ZNF618: variants seen among roughly 807,000 people sequenced by gnomAD.
ZNF618 encodes zinc finger protein 618.
A neutral mutation model predicts 103.0 loss-of-function variants in ZNF618; 34 were observed. The observed-to-expected ratio is 0.33, with a 90% confidence interval of 0.25 to 0.44. ZNF618 has a LOEUF of 0.44. ZNF618 is among the 20% of genes least tolerant of loss of function. The probability of loss-of-function intolerance (pLI) is 1.00; values close to 1 mark genes in which losing one functional copy is unlikely to be tolerated. For synonymous variants in ZNF618, 551 were observed against 542.2 expected (o/e 1.02, Z -0.23); for missense variants, 1,059 against 1,295.4 (o/e 0.82, Z 2.80).
intron 2 of ZNF618, among the ~76,000 whole-genome samples, chr9:113,973,606 T>C (rs1588200634): frequency 6.6e-6 from 1 of 152,196 alleles, no homozygotes; most frequent in African/African-American, 2.4e-5. Context: ...GTCGATCTGG[T>C]GTGCAGGTTA....
intron 3 of ZNF618, among the ~76,000 whole-genome samples, chr9:113,990,232 G>T (rs1839908574): frequency 6.6e-6 from 1 of 152,144 alleles, no homozygotes. Context: ...TTTCTACCCT[G>T]CTCCTCAGTT....
At chr9:113,955,729 C>T (rs944679817) in intron 1 of ZNF618, among the ~76,000 whole-genome samples, 4 of 151,726 alleles carry the variant, frequency 2.6e-5, no homozygotes, top group African/African-American at 9.7e-5. Flanking sequence ...AATTATTTCT[C>T]TTTCACAGCA....
At chr9:113,935,757 C>G (rs920438809) in intron 1 of ZNF618, among the ~76,000 whole-genome samples, 3 of 152,112 alleles carry the variant, frequency 2.0e-5, no homozygotes, top group African/African-American at 7.2e-5. Flanking sequence ...TGAAGTCTCT[C>G]CCTGCACCCT....
chr9:113,908,967 A>G (rs1391234278), intron 1 of ZNF618, among the ~76,000 whole-genome samples: 1 of 151,568 alleles, frequency 6.6e-6, no homozygotes, highest in African/African-American at 2.4e-5. Flanking sequence ...TTAGTCTCCT[A>G]TGGGGCTTCA....
At chr9:113,914,258 C>T (rs562676968) in intron 1 of ZNF618, among the ~76,000 whole-genome samples, 5 of 152,282 alleles carry the variant, frequency 3.3e-5, no homozygotes, top group South Asian at 2.1e-4. Flanking sequence ...TCTTCTAAGT[C>T]GGGTTTCCTT....
At chr9:113,971,910 G>A (rs147554167) in intron 2 of ZNF618, among the ~76,000 whole-genome samples, 1,829 of 152,282 alleles carry the variant, frequency 0.012, 23 homozygotes, top group Middle Eastern at 0.027. Flanking sequence ...GCCGGAATAT[G>A]CATCAGGAAG....
intron 1 of ZNF618, among the ~76,000 whole-genome samples, chr9:113,940,768 G>C (rs10448276): frequency 0.63 from 95,040 of 152,006 alleles, 29,890 homozygotes; most frequent in Admixed American, 0.7. Flanking sequence ...TCCAGCTTTC[G>C]TCATTGATAA....
intron 1 of ZNF618, among the ~76,000 whole-genome samples, chr9:113,954,907 A>AGTGGGCAGC (rs1836120103): frequency 6.6e-6 from 1 of 151,556 alleles, no homozygotes. Flanking sequence ...TCTATGGTCC[A>AGTGGGCAGC]CTCCCAGTGG....
intron 1 of ZNF618, among the ~76,000 whole-genome samples, chr9:113,911,866 T>G (rs1176141647): frequency 6.6e-6 from 1 of 152,200 alleles, no homozygotes; most frequent in East Asian, 1.9e-4. Flanking sequence ...AAAGAATATC[T>G]TGTAAGTGAA....
rs79027640 is a variant in ZNF618 at position 113,945,123 on chromosome 9, G to C, written c.34-23994G>C. Among the ~76,000 whole-genome samples the C allele has an allele frequency of 3.3e-5, 5 of 152,168 alleles. No homozygotes were observed. In the East Asian group the frequency reaches 9.7e-4, roughly 29 times the overall value. ...TCCCTACCTCACTCTGTCCTGCCAG[G>C]CTGGCCTTCTGTTCCTTCCTCCCAC... On this transcript the variant is annotated intron_variant, in intron 1 of 14. Coordinates refer to ENST00000374126, the MANE Select transcript of ZNF618 (RefSeq NM_001318042.2).
intron 1 of ZNF618, among the ~76,000 whole-genome samples, chr9:113,943,027 G>A (rs547622529): frequency 6.6e-6 from 1 of 152,174 alleles, no homozygotes; most frequent in Non-Finnish European, 1.5e-5. Flanking sequence ...ATTGTCCCAG[G>A]TGCATCTGGA....
intron 1 of ZNF618, among the ~76,000 whole-genome samples, chr9:113,883,982 G>GCCCCGCCCC (rs1828781218): frequency 6.7e-5 from 2 of 29,706 alleles, no homozygotes; most frequent in African/African-American, 3.1e-4. Flanking sequence ...TCTGGGCTTG[G>GCCCCGCCCC]CCCCCCCCCC....
intron 10 of ZNF618, chr9:114,028,493 G>T: frequency 1.7e-6 from 1 of 593,622 alleles, no homozygotes; most frequent in Non-Finnish European, 2.9e-6. Flanking sequence ...AAGGGTTATG[G>T]GTGACCTACA....
At chr9:113,905,077 AT>A (rs60821219) in intron 1 of ZNF618, among the ~76,000 whole-genome samples, 13 of 150,264 alleles carry the variant, frequency 8.7e-5, no homozygotes, top group East Asian at 1.9e-4. Context: ...AAACCGTTTG[AT>A]TTTTTTTTTC....
intron 1 of ZNF618, among the ~76,000 whole-genome samples, chr9:113,883,413 G>T (rs906365843): frequency 6.6e-6 from 1 of 152,214 alleles, no homozygotes; most frequent in African/African-American, 2.4e-5. Context: ...TGCAGGTATG[G>T]TGAATGGGGC....
At chr9:113,972,751 G>A (rs1838089488) in intron 2 of ZNF618, among the ~76,000 whole-genome samples, 2 of 152,130 alleles carry the variant, frequency 1.3e-5, no homozygotes, top group African/African-American at 4.8e-5. Flanking sequence ...TCTGAGAAGT[G>A]AATTATATGT....
chr9:113,921,465 A>G (rs1045358826), intron 1 of ZNF618, among the ~76,000 whole-genome samples: 4 of 152,234 alleles, frequency 2.6e-5, no homozygotes, highest in Admixed American at 2.6e-4. Flanking sequence ...TTCTCTCTTT[A>G]GCCAGTCCCT....
intron 1 of ZNF618, among the ~76,000 whole-genome samples, chr9:113,960,526 A>G (rs1160623292): frequency 6.6e-6 from 1 of 152,192 alleles, no homozygotes; most frequent in Non-Finnish European, 1.5e-5. Flanking sequence ...AGCAGACAAG[A>G]CCCACACTGG....
intron 1 of ZNF618, 103 bp downstream of exon 1, chr9:113,876,516 C>T (rs1827947418): frequency 2.1e-6 from 2 of 956,714 alleles, no homozygotes; most frequent in Non-Finnish European, 1.3e-6. Flanking sequence ...ATGCAAAGTG[C>T]CTGGGCACGT....
Sources: gnomAD v4.1 joint callset for allele counts (sites outside exome capture counted in the v4.1 genomes callset) on GRCh38, gnomAD v4.1.1 for gene constraint, MANE v1.5 for transcripts, NCBI Gene and HGNC (gene_info 2026-07-23, HGNC 2026-07-21) for gene names.